GRID1: variants seen among roughly 807,000 people sequenced by gnomAD.
GRID1 encodes glutamate ionotropic receptor delta type subunit 1.
Under a neutral mutation model 98.0 loss-of-function variants are expected in GRID1, and 28 were observed. The ratio of observed to expected loss-of-function variants is 0.29; its 90% CI spans 0.21 to 0.39. GRID1 has a LOEUF of 0.39. Among genes scored for constraint, GRID1 ranks in the 10% least tolerant of loss-of-function variants. GRID1 has a pLI of 1.00. For synonymous variants in GRID1, 553 were observed against 538.5 expected (o/e 1.03, Z -0.37); for missense variants, 1,111 against 1,340.5 (o/e 0.83, Z 2.67).
intron 12 of GRID1, among the ~76,000 whole-genome samples, chr10:85,650,691 G>A (rs935104621): frequency 6.6e-6 from 1 of 152,206 alleles, no homozygotes; most frequent in Non-Finnish European, 1.5e-5. Flanking sequence ...ATGCTTCCTA[G>A]AAGAGGGAAC....
intron 2 of GRID1, among the ~76,000 whole-genome samples, chr10:86,214,978 C>A (rs1564708708): frequency 6.6e-6 from 1 of 152,260 alleles, no homozygotes; most frequent in African/African-American, 2.4e-5. Context: ...TCACAGTGAT[C>A]ATGTTCACCA....
At chr10:86,138,791 C>A (rs764460571) in intron 4 of GRID1, 28 bp downstream of exon 4, 1 of 1,579,276 alleles carries the variant, frequency 6.3e-7, no homozygotes, top group South Asian at 1.1e-5. Context: ...GCACCAGGCC[C>A]CTGAGGCCTC....
At chr10:86,332,191 T>G (rs1311531923) in intron 2 of GRID1, among the ~76,000 whole-genome samples, 2 of 152,186 alleles carry the variant, frequency 1.3e-5, no homozygotes, top group Non-Finnish European at 1.5e-5. Flanking sequence ...CCCCCATGGC[T>G]GGATTGGCTT....
At chr10:85,657,257 T>C (rs920563345) in intron 12 of GRID1, among the ~76,000 whole-genome samples, 3 of 152,196 alleles carry the variant, frequency 2.0e-5, no homozygotes, top group Admixed American at 6.5e-5. Context: ...ACTTGACATA[T>C]ATGGCTGCTT....
At chr10:86,146,594 C>A (rs995909613) in intron 3 of GRID1, among the ~76,000 whole-genome samples, 3 of 152,236 alleles carry the variant, frequency 2.0e-5, no homozygotes, top group Admixed American at 6.5e-5. Flanking sequence ...CCTCCCCACA[C>A]CTCACACCTC....
intron 8 of GRID1, among the ~76,000 whole-genome samples, chr10:85,738,845 G>A (rs1841912245): frequency 6.6e-6 from 1 of 152,164 alleles, no homozygotes; most frequent in Admixed American, 6.6e-5. Context: ...AGGTGGGGAT[G>A]GGAGAAGGGT....
chr10:86,129,087 ACT>A (rs555777841), intron 4 of GRID1, among the ~76,000 whole-genome samples: 90 of 152,036 alleles, frequency 5.9e-4, no homozygotes, highest in African/African-American at 2.0e-3. Flanking sequence ...ATGTCCTCAG[ACT>A]CTCGGGTGCC....
intron 8 of GRID1, among the ~76,000 whole-genome samples, chr10:85,844,626 A>G (rs1842989924): frequency 1.3e-5 from 2 of 152,138 alleles, no homozygotes; most frequent in South Asian, 2.1e-4. Context: ...TTAAAACTGC[A>G]TGTAAATCTA....
intron 2 of GRID1, among the ~76,000 whole-genome samples, chr10:86,238,931 G>A (rs1846583235): frequency 1.3e-5 from 2 of 152,178 alleles, no homozygotes; most frequent in African/African-American, 4.8e-5. Flanking sequence ...TGTGGAGTTG[G>A]AGCCCCTACA....
In GRID1 at chr10:85,723,106, T is replaced by C. The variant is rs762615552; in HGVS notation, c.1894A>G (p.Ile632Val). The change falls in exon 12 of 16, where the codon ATC becomes GTC. Residue 632 changes from isoleucine (I) to valine (V), a missense_variant. By Grantham distance (29) the Ile-to-Val change is conservative. Around this residue, in one of 3 missense-constraint regions of GRID1, gnomAD observed 762 missense variants for 869.1 expected, o/e 0.88. Coordinates refer to ENST00000327946, the MANE Select transcript of GRID1 (RefSeq NM_017551.3). Reference protein sequence around the residue: ...ESSVNSMAMRIVMGSWWLFTL... With the variant: ...ESSVNSMAMRVVMGSWWLFTL... ...AAGAGCCACCAGCTGCCCATCACGATGCGCATGGCCATGGAGTTCACGGAA... is the reference window on the plus strand; with the variant it reads ...AAGAGCCACCAGCTGCCCATCACGACGCGCATGGCCATGGAGTTCACGGAA... The C allele has an allele frequency of 6.2e-7, 1 of 1,611,542 alleles. No individual in the cohort carries two copies. Among genetic ancestry groups the C allele is most frequent in the Admixed American group, 1.7e-5 (1 of 59,612 alleles).
chr10:85,986,417 C>T (rs1383421158), intron 4 of GRID1, among the ~76,000 whole-genome samples: 1 of 152,248 alleles, frequency 6.6e-6, no homozygotes, highest in Admixed American at 6.5e-5. Flanking sequence ...TTGTCTGAGA[C>T]ATTTGTCTGT....
intron 8 of GRID1, among the ~76,000 whole-genome samples, chr10:85,766,256 C>T (rs1356864308): frequency 2.0e-5 from 3 of 152,178 alleles, no homozygotes; most frequent in Non-Finnish European, 4.4e-5. Context: ...GAGACTGAGG[C>T]GTGAGGACTG....
At chr10:86,351,410 G>A (rs1848460501) in intron 2 of GRID1, among the ~76,000 whole-genome samples, 1 of 152,244 alleles carries the variant, frequency 6.6e-6, no homozygotes, top group Non-Finnish European at 1.5e-5. Context: ...TGGGCTGAGG[G>A]ATCAATGGGT....
intron 5 of GRID1, among the ~76,000 whole-genome samples, chr10:85,890,695 G>A (rs1290531729): frequency 1.3e-5 from 2 of 152,044 alleles, no homozygotes; most frequent in Non-Finnish European, 2.9e-5. Flanking sequence ...TATCTTCCTA[G>A]CTCTGAGCAC....
intron 2 of GRID1, among the ~76,000 whole-genome samples, chr10:86,232,660 T>C (rs1446581129): frequency 1.3e-5 from 2 of 152,222 alleles, no homozygotes; most frequent in African/African-American, 4.8e-5. Flanking sequence ...TCTCAAAGAA[T>C]AGGGAATGCT....
At chr10:86,011,417 A>G (rs895410756) in intron 4 of GRID1, among the ~76,000 whole-genome samples, 13 of 152,210 alleles carry the variant, frequency 8.5e-5, no homozygotes, top group African/African-American at 3.1e-4. Flanking sequence ...GAATAAAATG[A>G]ATTAAAAGCA....
At chr10:86,101,479 C>T (rs1263471530) in intron 4 of GRID1, among the ~76,000 whole-genome samples, 1 of 152,112 alleles carries the variant, frequency 6.6e-6, no homozygotes, top group Non-Finnish European at 1.5e-5. Context: ...TTTTCTGCCC[C>T]TATAGTTTTG....
chr10:86,325,155 A>C (rs891290906), intron 2 of GRID1, among the ~76,000 whole-genome samples: 1 of 151,966 alleles, frequency 6.6e-6, no homozygotes, highest in Admixed American at 6.5e-5. Context: ...CAGTGAGCAA[A>C]AAATAATATG....
chr10:85,726,855 C>T (rs996919925), intron 10 of GRID1, among the ~76,000 whole-genome samples: 4 of 152,102 alleles, frequency 2.6e-5, no homozygotes, highest in African/African-American at 9.7e-5. Context: ...GTTGCACAAC[C>T]CGGTATCTTT....
Sources: allele counts gnomAD v4.1 joint callset (sites outside exome capture counted in the v4.1 genomes callset), GRCh38; gene constraint gnomAD v4.1.1; regional missense constraint gnomAD v4.1.1; transcripts MANE v1.5; gene names NCBI Gene and HGNC (gene_info 2026-07-23, HGNC 2026-07-21).